Variants in SREBF2 observed in about 807,000 individuals in gnomAD.
SREBF2 encodes the protein sterol regulatory element-binding protein 2.
Under a neutral mutation model 113.1 loss-of-function variants are expected in SREBF2, and 55 were observed. That is an observed-to-expected ratio of 0.49 (90% CI 0.39 to 0.61). SREBF2 has a LOEUF of 0.61. Ranked by LOEUF, SREBF2 falls within the 20% of genes least tolerant of loss-of-function variation. SREBF2 has a pLI of 0.00. For missense variants in SREBF2, 1,349 were observed against 1,487.4 expected (o/e 0.91, Z 1.53); for synonymous variants, 593 against 605.7 (o/e 0.98, Z 0.31).
intron 1 of SREBF2, among the ~76,000 whole-genome samples, chr22:41,865,538 G>T (rs1452607264): frequency 6.6e-6 from 1 of 152,162 alleles, no homozygotes; most frequent in Admixed American, 6.5e-5. Context: ...CCTTTGGGAA[G>T]ATTGACCAGG....
intron 7 of SREBF2, 51 bp downstream of exon 7, chr22:41,875,775 A>C (rs1400834253): frequency 6.2e-7 from 1 of 1,601,908 alleles, no homozygotes; most frequent in Non-Finnish European, 8.5e-7. Context: ...CATTTCCCCT[A>C]AGAAGATAGC....
At chr22:41,891,768 T>C (rs1396557753) in intron 11 of SREBF2, among the ~76,000 whole-genome samples, 1 of 152,200 alleles carries the variant, frequency 6.6e-6, no homozygotes, top group Non-Finnish European at 1.5e-5. Flanking sequence ...TTCTATCTTA[T>C]GCTTCTCCCT....
chr22:41,879,218 TAAAAG>T (rs796348929), intron 9 of SREBF2, among the ~76,000 whole-genome samples: 2 of 152,242 alleles, frequency 1.3e-5, no homozygotes, highest in South Asian at 2.1e-4. Context: ...GACCTGGAAT[TAAAAG>T]GAAAGGTTTG....
chr22:41,858,641 A>C (rs1295783502), intron 1 of SREBF2, among the ~76,000 whole-genome samples: 1 of 152,112 alleles, frequency 6.6e-6, no homozygotes, highest in Non-Finnish European at 1.5e-5. Flanking sequence ...CCAGCTACCC[A>C]AGAGGCTGCA....
intron 1 of SREBF2, among the ~76,000 whole-genome samples, chr22:41,853,139 A>G (rs980840684): frequency 6.6e-6 from 1 of 152,180 alleles, no homozygotes; most frequent in African/African-American, 2.4e-5. Context: ...AGAATGAGCA[A>G]CTGCTGGGCT....
At chr22:41,897,762 G>A (rs1395149178) in intron 14 of SREBF2, among the ~76,000 whole-genome samples, 1 of 152,158 alleles carries the variant, frequency 6.6e-6, no homozygotes, top group Non-Finnish European at 1.5e-5. Flanking sequence ...TAGGGAGGGA[G>A]GGATCCCAGA....
rs1206609734 is a variant in SREBF2 at position 41,862,030 on chromosome 22, G to A, written c.89-4801G>A. On this transcript the variant is annotated intron_variant, in intron 1 of 18. Coordinates refer to ENST00000361204, the MANE Select transcript of SREBF2 (RefSeq NM_004599.4). ...AGGTTTCCCAGCCCCTAATAGGGCT[G>A]GGTAACAAATACCTGTTAAAGGATT... Among the ~76,000 whole-genome samples the A allele has an allele frequency of 2.4e-3, 370 of 152,270 alleles. 4 individuals carry two copies. The highest frequency in any genetic ancestry group is 8.3e-3 in the African/African-American group (345 of 41,558).
chr22:41,885,671 C>G (rs1458273681), intron 11 of SREBF2: 1 of 160,232 alleles, frequency 6.2e-6, no homozygotes, highest in Non-Finnish European at 1.4e-5. Context: ...TCACAACATG[C>G]TGACCTCAGG....
rs749584967 is a variant in SREBF2 at position 41,868,615 on chromosome 22, T to C, written c.543T>C (p.Leu181=). The change falls in exon 3 of 19, where the codon CTT becomes CTC. Residue 181 remains leucine, a synonymous_variant. Coordinates refer to ENST00000361204, the MANE Select transcript of SREBF2 (RefSeq NM_004599.4). ...TCTTTCTCCTCTTCTCCCAAGTCCT[T>C]CAGCCTCAAGTCCAAAGCCTGGTGA... ...YQNAATSFQV[L]QPQVQSLVTS... is the part of the protein sequence containing the mutation. The C allele has an allele frequency of 4.3e-6, 7 of 1,614,194 alleles. No individual in the cohort carries two copies. The highest frequency in any genetic ancestry group is 5.1e-6 in the Non-Finnish European group (6 of 1,180,018).
intron 12 of SREBF2, 94 bp downstream of exon 12, chr22:41,893,379 T>C: frequency 7.3e-7 from 1 of 1,373,486 alleles, no homozygotes; most frequent in Non-Finnish European, 1.0e-6. Context: ...AGACACGGGT[T>C]GTCTCTTAAT....
In SREBF2 at chr22:41,863,056, C is replaced by G. The variant is rs750871270; in HGVS notation, c.89-3775C>G. ...TACTTGACAAAATGAGATCAGTGCA[C>G]CCACATGCCTGTGTAGTGGGTGCTC... On this transcript the variant is annotated intron_variant, in intron 1 of 18. Coordinates refer to ENST00000361204, the MANE Select transcript of SREBF2 (RefSeq NM_004599.4). Among the ~76,000 whole-genome samples, 21 of 152,242 alleles carry G rather than the reference C, an allele frequency of 1.4e-4. No homozygotes were observed. In the South Asian group the frequency reaches 1.7e-3, roughly 12 times the overall value.
At chr22:41,850,739 C>T (rs1354179566) in intron 1 of SREBF2, among the ~76,000 whole-genome samples, 1 of 135,400 alleles carries the variant, frequency 7.4e-6, no homozygotes, top group African/African-American at 2.5e-5. Context: ...AGATTCCTCA[C>T]TTTTTTCTTT....
intron 1 of SREBF2, among the ~76,000 whole-genome samples, chr22:41,843,977 C>G (rs1408386881): frequency 6.6e-6 from 1 of 150,398 alleles, no homozygotes; most frequent in Non-Finnish European, 1.5e-5. Context: ...GATCACACCA[C>G]TGCACTTCAG....
At chr22:41,879,636 G>C (rs2077227552) in intron 9 of SREBF2, among the ~76,000 whole-genome samples, 1 of 152,214 alleles carries the variant, frequency 6.6e-6, no homozygotes, top group East Asian at 1.9e-4. Context: ...GACTGTTGCT[G>C]TGAGGACATC....
chr22:41,885,732 T>C (rs1490634291), intron 11 of SREBF2: 1 of 157,662 alleles, frequency 6.3e-6, no homozygotes, highest in Non-Finnish European at 1.4e-5. Flanking sequence ...TGTCCCACTA[T>C]GGATAGACTG....
chr22:41,893,333 C>T (rs371250168), intron 12 of SREBF2, 48 bp downstream of exon 12: 144 of 1,601,312 alleles, frequency 9.0e-5, no homozygotes, highest in Non-Finnish European at 1.2e-4. Flanking sequence ...CCATGCAAAC[C>T]GCCGGTACTA....
At chr22:41,873,643 TG>T in intron 4 of SREBF2, 154 bp from the exon 5 acceptor site, 2 of 745,742 alleles carry the variant, frequency 2.7e-6, no homozygotes, top group South Asian at 3.1e-5. Context: ...TGAGACTTCT[TG>T]GGGCCTGATT....
intron 1 of SREBF2, among the ~76,000 whole-genome samples, chr22:41,839,656 C>T (rs772717816): frequency 1.3e-5 from 2 of 152,166 alleles, no homozygotes; most frequent in Non-Finnish European, 2.9e-5. Flanking sequence ...TTTGCCTGTT[C>T]TGGACAACTC....
Position 41,903,005 on chromosome 22 carries a change from G to T in SREBF2, c.2943G>T (p.Ser981=). 6.2e-7 allele frequency: 1 copy of T among 1,611,514 alleles called. No individual in the cohort carries two copies. The highest frequency in any genetic ancestry group is 8.5e-7 in the Non-Finnish European group (1 of 1,179,204). The change falls in exon 17 of 19, where the codon TCG becomes TCT. Residue 981 remains serine (S), a synonymous_variant. Transcript: ENST00000361204. ...VQLLTCDLLL[S]LRTALWQKQA... ...TGCTCACCTGTGACCTGCTACTGTC[G>T]CTACGGACAGCGCTCTGGCAAAAAC...
Sources: allele counts gnomAD v4.1 joint callset (sites outside exome capture counted in the v4.1 genomes callset), GRCh38; gene constraint gnomAD v4.1.1; transcripts MANE v1.5; gene names NCBI Gene and HGNC (gene_info 2026-07-23, HGNC 2026-07-21).